LDLRAD4: variants seen among roughly 807,000 people sequenced by gnomAD.
LDLRAD4 encodes low-density lipoprotein receptor class A domain-containing protein 4.
Under a neutral mutation model 17.0 loss-of-function variants are expected in LDLRAD4, and 5 were observed. The observed-to-expected ratio is 0.29, with a 90% CI of 0.15 to 0.62. The LOEUF (loss-of-function observed/expected upper bound fraction) is 0.62, where lower values mean the gene tolerates loss of function less well. Ranked by LOEUF, LDLRAD4 falls within the 20% of genes least tolerant of loss-of-function variation. The pLI is 0.84. For synonymous variants in LDLRAD4, 168 were observed against 171.8 expected (o/e 0.98, Z 0.17); for missense variants, 340 against 424.7 (o/e 0.80, Z 1.75).
intron 3 of LDLRAD4, among the ~76,000 whole-genome samples, chr18:13,484,376 A>G (rs2093167632): frequency 6.6e-6 from 1 of 152,250 alleles, no homozygotes; most frequent in Admixed American, 6.5e-5. Flanking sequence ...CCTGAGGCAG[A>G]CGGGTCACTT....
chr18:13,397,116 G>A (rs1361324761), intron 2 of LDLRAD4, among the ~76,000 whole-genome samples: 4 of 152,080 alleles, frequency 2.6e-5, no homozygotes, highest in Non-Finnish European at 5.9e-5. Context: ...CTGCTGTTGG[G>A]TTTGCCTGAC....
At chr18:13,456,705 T>C (rs914631824) in intron 3 of LDLRAD4, among the ~76,000 whole-genome samples, 7 of 152,232 alleles carry the variant, frequency 4.6e-5, no homozygotes, top group African/African-American at 1.7e-4. Context: ...ATAAGTTTGC[T>C]TTTTAAAAGG....
intron 2 of LDLRAD4, among the ~76,000 whole-genome samples, chr18:13,429,230 A>G (rs1209618084): frequency 6.6e-6 from 1 of 152,144 alleles, no homozygotes; most frequent in Non-Finnish European, 1.5e-5. Context: ...GTCTCCAGGG[A>G]CCTGGCCAGG....
chr18:13,303,956 T>G (rs962876312), intron 1 of LDLRAD4, among the ~76,000 whole-genome samples: 3 of 152,176 alleles, frequency 2.0e-5, no homozygotes, highest in African/African-American at 7.2e-5. Context: ...TGGCCTGAAG[T>G]GTTGGTAGAC....
chr18:13,380,821 A>G lies in LDLRAD4; in HGVS notation c.-382-6520A>G, dbSNP rs1349297880. The stretch of plus-strand genomic sequence containing the variant: ...AAGGCACTACGCTACCCTGAACTAC[A>G]TTATGCTGAACAAGTAACCAGATCC... On this transcript the variant is annotated intron_variant, in intron 1 of 5. Coordinates refer to ENST00000359446, the Ensembl canonical transcript of LDLRAD4. Among the ~76,000 whole-genome samples, 6 of 152,338 alleles carry G rather than the reference A, an allele frequency of 3.9e-5. No individual in the cohort carries two copies. The South Asian group carries it at 1.0e-3, about 26-fold the overall frequency.
intron 1 of LDLRAD4, chr18:13,240,105 C>T (rs1448350721): frequency 6.6e-6 from 1 of 152,246 alleles, no homozygotes; most frequent in Admixed American, 6.5e-5. Context: ...ACTCATTGCA[C>T]ATTAGTTAAA....
At chr18:13,562,570 C>T (rs1228882759) in intron 3 of LDLRAD4, among the ~76,000 whole-genome samples, 1 of 152,212 alleles carries the variant, frequency 6.6e-6, no homozygotes, top group Non-Finnish European at 1.5e-5. Flanking sequence ...CCCACGCGGT[C>T]CGTCAGAGCC....
intron 1 of LDLRAD4, among the ~76,000 whole-genome samples, chr18:13,321,748 C>T (rs946479950): frequency 6.6e-6 from 1 of 151,526 alleles, no homozygotes. Context: ...GTAATTTCAG[C>T]TGCTCGGGAG....
intron 3 of LDLRAD4, among the ~76,000 whole-genome samples, chr18:13,618,066 GA>G (rs1326341258): frequency 6.6e-6 from 1 of 152,078 alleles, no homozygotes; most frequent in East Asian, 1.9e-4. Context: ...AGAGAAAAAA[GA>G]AAAAAAGCAA....
At chr18:13,260,164 T>C (rs9951177) in intron 1 of LDLRAD4, among the ~76,000 whole-genome samples, 78,858 of 152,128 alleles carry the variant, frequency 0.52, 20,927 homozygotes, top group East Asian at 0.67. Context: ...GAGAGCACAC[T>C]GTAACTTCTA....
chr18:13,517,786 T>C (rs1013060175), intron 3 of LDLRAD4, among the ~76,000 whole-genome samples: 1 of 152,198 alleles, frequency 6.6e-6, no homozygotes, highest in African/African-American at 2.4e-5. Context: ...TCGCCCAGGC[T>C]GGAGTGCAGT....
At chr18:13,247,340 G>A (rs908014343) in intron 1 of LDLRAD4, among the ~76,000 whole-genome samples, 5 of 152,024 alleles carry the variant, frequency 3.3e-5, no homozygotes, top group African/African-American at 4.8e-5. Flanking sequence ...CATGGCACGC[G>A]TATCACAACT....
chr18:13,288,472 G>A (rs2045760743), intron 1 of LDLRAD4, among the ~76,000 whole-genome samples: 1 of 152,196 alleles, frequency 6.6e-6, no homozygotes. Context: ...CACAACTTTG[G>A]CTATTTCAAG....
At chr18:13,557,439 C>T (rs190733912) in intron 3 of LDLRAD4, among the ~76,000 whole-genome samples, 47 of 152,064 alleles carry the variant, frequency 3.1e-4, no homozygotes, top group African/African-American at 1.1e-3. Flanking sequence ...CTCGCTCTTT[C>T]GCCCAAGCTG....
At chr18:13,437,725 G>A (rs1338950440) in intron 2 of LDLRAD4, among the ~76,000 whole-genome samples, 1 of 152,240 alleles carries the variant, frequency 6.6e-6, no homozygotes, top group African/African-American at 2.4e-5. Flanking sequence ...ATGAACATCA[G>A]AGAGGTGAAA....
intron 3 of LDLRAD4, 75 bp downstream of exon 4, chr18:13,438,459 C>A: frequency 8.4e-7 from 1 of 1,187,060 alleles, no homozygotes; most frequent in Non-Finnish European, 1.2e-6. Context: ...GTCACTGGGA[C>A]ATGGGAAGGA....
chr18:13,410,630 C>T (rs2088247425), intron 2 of LDLRAD4, among the ~76,000 whole-genome samples: 1 of 152,152 alleles, frequency 6.6e-6, no homozygotes, highest in Non-Finnish European at 1.5e-5. Context: ...AGATAATGGC[C>T]TACACTGGAC....
At chr18:13,326,406 A>G (rs574863233) in intron 1 of LDLRAD4, among the ~76,000 whole-genome samples, 2 of 152,316 alleles carry the variant, frequency 1.3e-5, no homozygotes, top group Non-Finnish European at 2.9e-5. Context: ...GGAAGAATCA[A>G]TTATGCAGAT....
At chr18:13,309,667 A>G (rs2047117471) in intron 1 of LDLRAD4, among the ~76,000 whole-genome samples, 1 of 152,212 alleles carries the variant, frequency 6.6e-6, no homozygotes, top group Admixed American at 6.5e-5. Context: ...CACTTAAAAT[A>G]AGATCTTAGA....
Sources: allele counts gnomAD v4.1 joint callset (sites outside exome capture counted in the v4.1 genomes callset), GRCh38; gene constraint gnomAD v4.1.1; transcripts MANE v1.5; gene names NCBI Gene and HGNC (gene_info 2026-07-23, HGNC 2026-07-21).